The following SEC24D variants were observed in gnomAD, a reference collection of about 807,000 sequenced individuals.
The protein encoded by SEC24D is protein transport protein Sec24D.
A neutral mutation model predicts 116.9 loss-of-function variants in SEC24D; 69 were observed. The observed-to-expected ratio is 0.59, with a 90% confidence interval of 0.49 to 0.72. The LOEUF (loss-of-function observed/expected upper bound fraction) is 0.72, where lower values mean the gene tolerates loss of function less well. SEC24D is among the 30% of genes least tolerant of loss of function. The pLI, the probability that SEC24D is intolerant of heterozygous loss-of-function variation, is 0.00. For synonymous variants in SEC24D, 405 were observed against 442.8 expected (o/e 0.91, Z 1.07); for missense variants, 1,131 against 1,264.1 (o/e 0.89, Z 1.60).
chr4:118,778,275 A>C (rs946064001), intron 8 of SEC24D, among the ~76,000 whole-genome samples: 11 of 152,132 alleles, frequency 7.2e-5, no homozygotes, highest in Non-Finnish European at 1.6e-4. Context: ...TCTTGTATTA[A>C]TTTTTGTATA....
At chr4:118,764,413 T>C (rs916433840) in intron 10 of SEC24D, 1 of 160,742 alleles carries the variant, frequency 6.2e-6, no homozygotes, top group Non-Finnish European at 1.4e-5. Flanking sequence ...AACACGTCAA[T>C]AGTCCTACTA....
At chr4:118,757,549 A>G (rs757369569) in intron 11 of SEC24D, among the ~76,000 whole-genome samples, 172 bp downstream of exon 11, 2 of 152,156 alleles carry the variant, frequency 1.3e-5, no homozygotes, top group African/African-American at 2.4e-5. Flanking sequence ...TGTACAAAAG[A>G]TCACTCTAAC....
At chr4:118,791,286 T>C (rs1263332096) in intron 8 of SEC24D, among the ~76,000 whole-genome samples, 1 of 152,020 alleles carries the variant, frequency 6.6e-6, no homozygotes, top group Non-Finnish European at 1.5e-5. Context: ...TATGTGAGTA[T>C]GGGACTGAAA....
intron 2 of SEC24D, among the ~76,000 whole-genome samples, chr4:118,832,941 G>A (rs1730927837): frequency 6.6e-6 from 1 of 152,194 alleles, no homozygotes; most frequent in Non-Finnish European, 1.5e-5. Flanking sequence ...ATCTCGGGAA[G>A]AATAAATCAT....
At chr4:118,824,468 T>C in intron 3 of SEC24D, 152 bp downstream of exon 3, 1 of 789,438 alleles carries the variant, frequency 1.3e-6, no homozygotes, top group Non-Finnish European at 2.0e-6. Context: ...ATTGCTTTGT[T>C]TCCTAGGGCA....
chr4:118,793,967 T>C (rs997076484), intron 8 of SEC24D, among the ~76,000 whole-genome samples: 1 of 152,276 alleles, frequency 6.6e-6, no homozygotes, highest in Non-Finnish European at 1.5e-5. Context: ...AAGTAGAGCG[T>C]CTCCCTAAGT....
In SEC24D at chr4:118,797,786, C is replaced by A; in HGVS notation, c.938G>T (p.Arg313Leu). The A allele has an allele frequency of 6.2e-7, 1 of 1,605,154 alleles. No homozygotes were observed. The highest frequency in any genetic ancestry group is 8.5e-7 in the Non-Finnish European group (1 of 1,174,018). ...GCATGGAAAACAGTATGTTGTACAA[C>A]GGATGAATCGAGGACTGGCATTTCC... is the stretch of plus-strand genomic sequence containing the variant. ...DQGNASPRFI[R>L]CTTYCFPCTS... The change falls in exon 8 of 23, where the codon CGT (arginine) becomes CTT (leucine). Residue 313 changes from arginine (R) to leucine (L), a missense_variant. Transcript: ENST00000280551.
intron 22 of SEC24D, among the ~76,000 whole-genome samples, chr4:118,726,378 T>C (rs976554872): frequency 1.3e-5 from 2 of 152,346 alleles, no homozygotes; most frequent in Admixed American, 1.3e-4. Flanking sequence ...GTAGTCAACC[T>C]TGTAAATGCA....
At chr4:118,792,345 G>C (rs534527969) in intron 8 of SEC24D, among the ~76,000 whole-genome samples, 3 of 151,554 alleles carry the variant, frequency 2.0e-5, no homozygotes, top group Non-Finnish European at 4.4e-5. Flanking sequence ...ACCCTGTCTA[G>C]GAAGTGAGGA....
chr4:118,812,872 C>G (rs137944781), intron 6 of SEC24D, among the ~76,000 whole-genome samples: 1 of 152,124 alleles, frequency 6.6e-6, no homozygotes, highest in Non-Finnish European at 1.5e-5. Flanking sequence ...CTGTAACACA[C>G]GCCCACTGGG....
chr4:118,790,810 A>G (rs565397407), intron 8 of SEC24D, among the ~76,000 whole-genome samples: 51 of 151,040 alleles, frequency 3.4e-4, no homozygotes, highest in Admixed American at 6.6e-4. Context: ...AAAACACTGT[A>G]CTAAATAAAT....
chr4:118,825,602 G>T (rs1487569339), intron 2 of SEC24D: 4 of 456,158 alleles, frequency 8.8e-6, no homozygotes, highest in Non-Finnish European at 1.8e-5. Flanking sequence ...TTATCTTTAA[G>T]GACCTCAGTT....
intron 8 of SEC24D, among the ~76,000 whole-genome samples, chr4:118,792,555 C>A (rs974866077): frequency 1.3e-5 from 2 of 152,222 alleles, no homozygotes; most frequent in Non-Finnish European, 2.9e-5. Flanking sequence ...AAGAAAAATT[C>A]TTCTGCCTTG....
At chr4:118,826,289 C>A (rs55913633) in intron 2 of SEC24D, among the ~76,000 whole-genome samples, 6,651 of 152,214 alleles carry the variant, frequency 0.044, 201 homozygotes, top group Non-Finnish European at 0.064. Flanking sequence ...ATAAGATACT[C>A]TATTTTTCAG....
chr4:118,815,635 A>C lies in SEC24D; in HGVS notation c.489T>G (p.Ile163Met), dbSNP rs909356558. ...QTPPRPPQPS[I>M]LQPGSQVLPP... Reference sequence around the variant, plus strand: ...GAAGAACTTGAGATCCAGGCTGCAAAATGGAAGGCTGTGGAGGTCGTGGAG... The same window carrying C: ...GAAGAACTTGAGATCCAGGCTGCAACATGGAAGGCTGTGGAGGTCGTGGAG... The change falls in exon 5 of 23, where the codon ATT becomes ATG. Residue 163 changes from isoleucine to methionine, a missense_variant. Transcript: ENST00000280551. 5.0e-6 allele frequency: 8 copies of C among 1,614,122 alleles called. No individual in the cohort carries two copies. Among genetic ancestry groups the C allele is most frequent in the Non-Finnish European group, 6.8e-6 (8 of 1,180,026 alleles).
Position 118,738,389 on chromosome 4 carries a change from A to G in SEC24D, c.2378-10T>C, listed in dbSNP as rs1055615894. The G allele has an allele frequency of 3.2e-6, 5 of 1,549,290 alleles. No individual in the cohort carries two copies. The highest frequency in any genetic ancestry group is 4.5e-6 in the Non-Finnish European group (5 of 1,121,292). ...AGAACTGCTTTAAAAGCTACATCAC[A>G]AAACAATGAAAAGGACATGAGTTTT... On this transcript the variant is annotated splice_polypyrimidine_tract_variant and intron_variant, in intron 18 of 22. Coordinates refer to ENST00000280551, the MANE Select transcript of SEC24D (RefSeq NM_014822.4).
chr4:118,750,510 A>ATCTAC (rs1278049035), intron 13 of SEC24D, among the ~76,000 whole-genome samples: 1 of 152,196 alleles, frequency 6.6e-6, no homozygotes, highest in African/African-American at 2.4e-5. Context: ...GCTAATGAAT[A>ATCTAC]TCTACTCATC....
chr4:118,725,134 A>C (rs1465886173), intron 22 of SEC24D, among the ~76,000 whole-genome samples: 2 of 152,204 alleles, frequency 1.3e-5, no homozygotes, highest in Non-Finnish European at 2.9e-5. Context: ...CCTAGTAAAA[A>C]TAATAATATA....
chr4:118,765,363 T>C (rs1482719501), intron 9 of SEC24D, among the ~76,000 whole-genome samples: 1 of 152,244 alleles, frequency 6.6e-6, no homozygotes, highest in Non-Finnish European at 1.5e-5. Context: ...TCTTCACCCA[T>C]GTGGAGTTTG....
Sources: gnomAD v4.1 joint callset for allele counts (sites outside exome capture counted in the v4.1 genomes callset) on GRCh38, gnomAD v4.1.1 for gene constraint, MANE v1.5 for transcripts, NCBI Gene and HGNC (gene_info 2026-07-23, HGNC 2026-07-21) for gene names.